Variants in MYCBP2 observed in about 807,000 individuals in gnomAD.
MYCBP2 encodes E3 ubiquitin-protein ligase MYCBP2.
Under a neutral mutation model 525.3 loss-of-function variants are expected in MYCBP2, and 120 were observed. The observed-to-expected ratio is 0.23, with a 90% CI of 0.20 to 0.27. The LOEUF is 0.27. MYCBP2 is among the 10% of genes least tolerant of loss of function. The probability of loss-of-function intolerance (pLI) is 1.00; values close to 1 mark genes in which losing one functional copy is unlikely to be tolerated. For missense variants in MYCBP2, 4,149 were observed against 5,657.1 expected (o/e 0.73, Z 8.55); for synonymous variants, 1,894 against 1,955.8 (o/e 0.97, Z 0.83).
At chr13:77,072,954 C>T (rs1178627) in intron 68 of MYCBP2, among the ~76,000 whole-genome samples, 126,777 of 152,146 alleles carry the variant, frequency 0.83, 53,115 homozygotes, top group Middle Eastern at 0.89. Flanking sequence ...TCTTGTTTAC[C>T]TCTTTCATCA....
At chr13:77,084,647 G>T (rs2043902601) in intron 62 of MYCBP2, among the ~76,000 whole-genome samples, 2 of 152,028 alleles carry the variant, frequency 1.3e-5, no homozygotes, top group South Asian at 4.1e-4. Flanking sequence ...TCAAGGGCAT[G>T]CCAGGAGTAT....
At position 77,045,226 on chromosome 13, in the gene MYCBP2, T is replaced by C. The variant is rs1171894226; in HGVS notation, c.*152A>G. The C allele has an allele frequency of 3.9e-6, 2 of 509,384 alleles. No homozygotes were observed. The highest frequency in any genetic ancestry group is 1.9e-5 in the African/African-American group (1 of 51,976). The allele number at this position is 509,384 out of a possible 1,614,324, so 31.6% of individuals were successfully genotyped here. On this transcript the variant is annotated 3_prime_UTR_variant, in exon 83 of 83. Coordinates refer to ENST00000544440, the MANE Select transcript of MYCBP2 (RefSeq NM_015057.5). Reference sequence around the variant, plus strand: ...CTTTTCATAGCAAGAATTATGTACATGGTATTTGGTATCCTTCTTGCACTG... The same window carrying C: ...CTTTTCATAGCAAGAATTATGTACACGGTATTTGGTATCCTTCTTGCACTG...
At chr13:77,213,237 G>C (rs950396579) in intron 21 of MYCBP2, among the ~76,000 whole-genome samples, 1 of 152,206 alleles carries the variant, frequency 6.6e-6, no homozygotes, top group African/African-American at 2.4e-5. Flanking sequence ...CACTTTGGGA[G>C]GCCGAGATGG....
At chr13:77,110,844 A>G (rs1594633424) in intron 55 of MYCBP2, among the ~76,000 whole-genome samples, 1 of 152,286 alleles carries the variant, frequency 6.6e-6, no homozygotes, top group East Asian at 1.9e-4. Flanking sequence ...GCCAGCTATG[A>G]CTTTGGGCAA....
At chr13:77,282,988 T>C (rs1006119465) in intron 3 of MYCBP2, among the ~76,000 whole-genome samples, 2 of 152,144 alleles carry the variant, frequency 1.3e-5, no homozygotes, top group African/African-American at 4.8e-5. Context: ...ACTGCCTAAA[T>C]GGTTCCTCTG....
intron 1 of MYCBP2, among the ~76,000 whole-genome samples, chr13:77,314,975 T>A (rs73223462): frequency 6.6e-6 from 1 of 152,156 alleles, no homozygotes; most frequent in African/African-American, 2.4e-5. Flanking sequence ...AGAGATCCCA[T>A]AGACCTTAAA....
intron 27 of MYCBP2, 145 bp downstream of exon 27, chr13:77,194,008 T>C: frequency 4.1e-6 from 2 of 486,472 alleles, no homozygotes; most frequent in East Asian, 3.2e-5. Flanking sequence ...AATACTTATA[T>C]TGCTTAATAT....
intron 18 of MYCBP2, among the ~76,000 whole-genome samples, chr13:77,227,915 C>T (rs2066529952): frequency 6.6e-6 from 1 of 152,050 alleles, no homozygotes; most frequent in Non-Finnish European, 1.5e-5. Flanking sequence ...ATACTAGAAA[C>T]ATTTTGTTCA....
At chr13:77,309,754 C>G (rs969555202) in intron 1 of MYCBP2, among the ~76,000 whole-genome samples, 3 of 152,156 alleles carry the variant, frequency 2.0e-5, no homozygotes, top group Non-Finnish European at 4.4e-5. Flanking sequence ...TTCATTCATC[C>G]TCTATAACAC....
At chr13:77,153,089 T>A (rs975335837) in intron 46 of MYCBP2, among the ~76,000 whole-genome samples, 4 of 134,732 alleles carry the variant, frequency 3.0e-5, no homozygotes, top group Admixed American at 1.5e-4. Flanking sequence ...AAAAAAAAAA[T>A]CTGCTGTATT....
At chr13:77,223,055 A>G (rs2065811341) in intron 20 of MYCBP2, among the ~76,000 whole-genome samples, 1 of 152,064 alleles carries the variant, frequency 6.6e-6, no homozygotes, top group Non-Finnish European at 1.5e-5. Context: ...CTTCATAAAT[A>G]CTCCTGTTTC....
chr13:77,159,531 C>T (rs2057618428), intron 44 of MYCBP2, among the ~76,000 whole-genome samples: 3 of 152,256 alleles, frequency 2.0e-5, no homozygotes, highest in Middle Eastern at 3.4e-3. Flanking sequence ...AATCTCAACT[C>T]GAATTATAAA....
At chr13:77,141,701 G>A (rs2054654156) in intron 49 of MYCBP2, among the ~76,000 whole-genome samples, 1 of 151,468 alleles carries the variant, frequency 6.6e-6, no homozygotes, top group Non-Finnish European at 1.5e-5. Flanking sequence ...AACCTGTGAG[G>A]TGGAGGTTGC....
intron 4 of MYCBP2, among the ~76,000 whole-genome samples, chr13:77,277,423 G>A (rs1252766362): frequency 6.6e-6 from 1 of 152,040 alleles, no homozygotes; most frequent in Admixed American, 6.5e-5. Flanking sequence ...GAGGGGGGTG[G>A]TTTTAAAAAA....
intron 26 of MYCBP2, among the ~76,000 whole-genome samples, chr13:77,200,601 A>G (rs1427940533): frequency 6.6e-6 from 1 of 152,188 alleles, no homozygotes; most frequent in African/African-American, 2.4e-5. Flanking sequence ...CAGATTTACC[A>G]AAGTTGAAAT....
chr13:77,188,119 T>TA (rs1441499305), intron 30 of MYCBP2, among the ~76,000 whole-genome samples: 2 of 149,582 alleles, frequency 1.3e-5, no homozygotes, highest in Non-Finnish European at 3.0e-5. Flanking sequence ...CACCAAAATG[T>TA]AAATAGTAGG....
chr13:77,312,399 G>A (rs1307135471), intron 1 of MYCBP2, among the ~76,000 whole-genome samples: 3 of 151,994 alleles, frequency 2.0e-5, no homozygotes, highest in African/African-American at 7.2e-5. Flanking sequence ...ATTGTTTGGT[G>A]ATGTTTGCCA....
At chr13:77,283,293 T>C (rs1346611981) in intron 3 of MYCBP2, among the ~76,000 whole-genome samples, 1 of 152,220 alleles carries the variant, frequency 6.6e-6, no homozygotes, top group Non-Finnish European at 1.5e-5. Flanking sequence ...TCTCTTGCTC[T>C]ATCTCAGCCA....
intron 26 of MYCBP2, among the ~76,000 whole-genome samples, chr13:77,199,183 C>T (rs930881205): frequency 7.9e-5 from 12 of 152,340 alleles, no homozygotes; most frequent in Middle Eastern, 3.4e-3. Context: ...AGTGGGTGTG[C>T]GCACCATGCG....
Sources: gnomAD v4.1 joint callset for allele counts (sites outside exome capture counted in the v4.1 genomes callset) on GRCh38, gnomAD v4.1.1 for gene constraint, MANE v1.5 for transcripts, NCBI Gene and HGNC (gene_info 2026-07-23, HGNC 2026-07-21) for gene names.